Variants in RIMS1 observed in about 807,000 individuals in gnomAD.
The protein encoded by RIMS1 is regulating synaptic membrane exocytosis 1.
A neutral mutation model predicts 214.1 loss-of-function variants in RIMS1; 83 were observed. The observed-to-expected ratio is 0.39, with a 90% CI of 0.32 to 0.47. The LOEUF is 0.47. Ranked by LOEUF, RIMS1 falls within the 20% of genes least tolerant of loss-of-function variation. RIMS1 has a pLI of 0.99. For missense variants in RIMS1, 2,050 were observed against 2,161.8 expected, an observed-to-expected ratio of 0.95 and a Z score of 1.03; for synonymous variants, 793 against 786.8, an observed-to-expected ratio of 1.01 and a Z score of -0.13.
chr6:72,052,395 T>C (rs1446070792), intron 2 of RIMS1, among the ~76,000 whole-genome samples: 1 of 152,182 alleles, frequency 6.6e-6, no homozygotes, highest in Non-Finnish European at 1.5e-5. Context: ...TAGTGAGAAA[T>C]AGGGACAAGA....
At chr6:72,086,012 C>A (rs1834574269) in intron 2 of RIMS1, among the ~76,000 whole-genome samples, 1 of 152,100 alleles carries the variant, frequency 6.6e-6, no homozygotes, top group South Asian at 2.1e-4. Context: ...GGAGTTTCTC[C>A]TGTGTCTATA....
chr6:71,892,833 T>C (rs980384376), intron 1 of RIMS1, among the ~76,000 whole-genome samples: 3 of 152,212 alleles, frequency 2.0e-5, no homozygotes, highest in African/African-American at 7.2e-5. Flanking sequence ...GCTGAGTTCC[T>C]ATCATTTTAA....
intron 23 of RIMS1, among the ~76,000 whole-genome samples, chr6:72,278,293 A>G (rs923096561): frequency 2.0e-5 from 3 of 152,102 alleles, no homozygotes; most frequent in Non-Finnish European, 2.9e-5. Context: ...AAATTTTTCA[A>G]TTAAGTAAAG....
chr6:72,047,297 A>C (rs1823344925), intron 2 of RIMS1, among the ~76,000 whole-genome samples: 1 of 152,162 alleles, frequency 6.6e-6, no homozygotes, highest in Non-Finnish European at 1.5e-5. Flanking sequence ...TGTGACACTC[A>C]ACAATTCCAA....
In RIMS1 at chr6:72,153,249, T is replaced by C. The variant is rs1170569733; in HGVS notation, c.472-26326T>C. On this transcript the variant is annotated intron_variant, in intron 4 of 33. Transcript: ENST00000521978. ...TGACACTTCTGAATCAATTTACTTA[T>C]ATTCAAAATAAGAGAGTTGGACTGG... 2.7e-5 allele frequency among the ~76,000 whole-genome samples: 4 copies of C among 150,676 alleles called. No homozygotes were observed. The East Asian group carries it at 5.8e-4, about 22-fold the overall frequency.
intron 29 of RIMS1, among the ~76,000 whole-genome samples, chr6:72,384,734 CTCTA>C (rs1275786984): frequency 6.6e-6 from 1 of 152,138 alleles, no homozygotes; most frequent in Non-Finnish European, 1.5e-5. Context: ...TATTCTATCT[CTCTA>C]TCTTTCTAGC....
In RIMS1 at chr6:72,260,604, A is replaced by G. The variant is rs188044573; in HGVS notation, c.3054-101A>G. The G allele has an allele frequency of 1.1e-4, 167 of 1,477,608 alleles. No homozygotes were observed. The African/African-American group carries it at 1.8e-3, about 16-fold the overall frequency. The allele number at this position is 1,477,608 out of a possible 1,614,324, so 91.5% of individuals were successfully genotyped here. On this transcript the variant is annotated intron_variant, in intron 18 of 33. Transcript: ENST00000521978. ...TCAAGCAAATATGCTAGTGCAGACAATCTGGTTTCTTCCCTTTTCATGTTT... is the reference window on the plus strand; with the variant it reads ...TCAAGCAAATATGCTAGTGCAGACAGTCTGGTTTCTTCCCTTTTCATGTTT...
intron 28 of RIMS1, among the ~76,000 whole-genome samples, chr6:72,329,838 T>G (rs2096599344): frequency 1.3e-5 from 2 of 151,670 alleles, no homozygotes; most frequent in African/African-American, 4.8e-5. Context: ...GGGAGCAGGT[T>G]TTTTGAGGGT....
At chr6:71,935,787 C>G (rs1784261191) in intron 1 of RIMS1, among the ~76,000 whole-genome samples, 1 of 152,194 alleles carries the variant, frequency 6.6e-6, no homozygotes, top group African/African-American at 2.4e-5. Context: ...AAAGTAGATT[C>G]TGCGAACACA....
At chr6:72,356,326 T>G (rs1008574029) in intron 29 of RIMS1, among the ~76,000 whole-genome samples, 1 of 152,024 alleles carries the variant, frequency 6.6e-6, no homozygotes, top group African/African-American at 2.4e-5. Flanking sequence ...AAAATGATGT[T>G]CTGTGTTTCT....
chr6:72,084,942 G>A (rs761832397), intron 2 of RIMS1, among the ~76,000 whole-genome samples: 6 of 152,104 alleles, frequency 3.9e-5, no homozygotes, highest in South Asian at 2.1e-4. Flanking sequence ...AAAAGGGTAT[G>A]TAGAATGATA....
intron 7 of RIMS1, 49 bp downstream of exon 7, chr6:72,233,889 G>A (rs942477681): frequency 4.1e-6 from 5 of 1,212,340 alleles, no homozygotes; most frequent in East Asian, 2.5e-5. Context: ...ATGTGTGCTC[G>A]TTAATTGTCC....
At chr6:72,249,647 C>T (rs1162917777) in intron 12 of RIMS1, among the ~76,000 whole-genome samples, 1 of 152,050 alleles carries the variant, frequency 6.6e-6, no homozygotes, top group African/African-American at 2.4e-5. Flanking sequence ...TGATGTACAC[C>T]TGTGGTTCCA....
intron 31 of RIMS1, among the ~76,000 whole-genome samples, chr6:72,397,116 A>C (rs1233411598): frequency 3.3e-5 from 5 of 152,188 alleles, no homozygotes; most frequent in African/African-American, 1.2e-4. Context: ...AGTAAATAGA[A>C]AGCTGAAAAA....
intron 29 of RIMS1, among the ~76,000 whole-genome samples, chr6:72,348,130 A>C (rs1489288072): frequency 6.6e-6 from 1 of 151,836 alleles, no homozygotes; most frequent in African/African-American, 2.4e-5. Context: ...TTAGTGGGTA[A>C]ATTTTTCTTC....
chr6:72,119,321 A>G (rs1307246139), intron 4 of RIMS1, among the ~76,000 whole-genome samples: 2 of 151,878 alleles, frequency 1.3e-5, no homozygotes, highest in Non-Finnish European at 2.9e-5. Context: ...GATGACACAC[A>G]AAAAATGAAA....
intron 28 of RIMS1, among the ~76,000 whole-genome samples, chr6:72,318,744 T>C (rs1203126212): frequency 6.6e-6 from 1 of 152,188 alleles, no homozygotes; most frequent in Non-Finnish European, 1.5e-5. Flanking sequence ...TTAAGGGTCT[T>C]GACTCATGAG....
chr6:72,200,447 A>G (rs932090406), intron 6 of RIMS1, among the ~76,000 whole-genome samples: 6 of 152,110 alleles, frequency 3.9e-5, no homozygotes, highest in Admixed American at 3.3e-4. Flanking sequence ...CTCTACCTCC[A>G]CTTCTTAACC....
At chr6:72,367,653 T>C (rs1248307353) in intron 29 of RIMS1, among the ~76,000 whole-genome samples, 1 of 152,172 alleles carries the variant, frequency 6.6e-6, no homozygotes, top group Non-Finnish European at 1.5e-5. Context: ...AAGTGTACAG[T>C]TGTCACCACT....
Sources: gnomAD v4.1 joint callset for allele counts (sites outside exome capture counted in the v4.1 genomes callset) on GRCh38, gnomAD v4.1.1 for gene constraint, MANE v1.5 for transcripts, NCBI Gene and HGNC (gene_info 2026-07-23, HGNC 2026-07-21) for gene names.